CNTN1: variants seen among roughly 807,000 people sequenced by gnomAD.
CNTN1 encodes the protein contactin-1.
Under a neutral mutation model 126.4 loss-of-function variants are expected in CNTN1, and 38 were observed. The observed-to-expected ratio is 0.30, with a 90% CI of 0.23 to 0.39. The LOEUF (loss-of-function observed/expected upper bound fraction) is 0.39, where lower values mean the gene tolerates loss of function less well. CNTN1 is among the 10% of genes least tolerant of loss of function. CNTN1 has a pLI of 1.00. For synonymous variants in CNTN1, 413 were observed against 422.6 expected, an observed-to-expected ratio of 0.98 and a Z score of 0.28; for missense variants, 1,009 against 1,248.4, an observed-to-expected ratio of 0.81 and a Z score of 2.89.
intron 1 of CNTN1, among the ~76,000 whole-genome samples, chr12:40,879,559 A>G (rs1199323190): frequency 6.6e-6 from 1 of 152,188 alleles, no homozygotes; most frequent in African/African-American, 2.4e-5. Flanking sequence ...TGAGAAAAAG[A>G]AAATTAAGAA....
At chr12:40,904,374 C>CT (rs368931833) in intron 1 of CNTN1, among the ~76,000 whole-genome samples, 2,817 of 76,024 alleles carry the variant, frequency 0.037, 97 homozygotes, top group African/African-American at 0.15. Flanking sequence ...CCTTTCCTTC[C>CT]TTCCTTCTTT....
chr12:40,796,336 AC>A (rs1940428388), intron 1 of CNTN1, among the ~76,000 whole-genome samples: 1 of 152,024 alleles, frequency 6.6e-6, no homozygotes, highest in African/African-American at 2.4e-5. Context: ...TTTGCTTCAG[AC>A]CTTTAGACTA....
chr12:40,709,444 G>A (rs1161746644), intron 1 of CNTN1, among the ~76,000 whole-genome samples: 1 of 152,206 alleles, frequency 6.6e-6, no homozygotes, highest in Non-Finnish European at 1.5e-5. Flanking sequence ...AATGCTAAAT[G>A]AGTATTGGCT....
chr12:40,834,450 A>G (rs1304777660), intron 1 of CNTN1, among the ~76,000 whole-genome samples: 2 of 152,168 alleles, frequency 1.3e-5, no homozygotes, highest in Admixed American at 1.3e-4. Flanking sequence ...TAGTCATGAT[A>G]GCAGATGGAA....
intron 23 of CNTN1, among the ~76,000 whole-genome samples, chr12:41,068,851 C>A (rs1354010630): frequency 1.3e-5 from 2 of 152,172 alleles, no homozygotes; most frequent in Non-Finnish European, 2.9e-5. Context: ...GCCAGCCAGG[C>A]ATGGTGGCTT....
intron 1 of CNTN1, among the ~76,000 whole-genome samples, chr12:40,761,239 T>G (rs1019311177): frequency 6.6e-6 from 1 of 152,112 alleles, no homozygotes; most frequent in African/African-American, 2.4e-5. Flanking sequence ...CTATACCAAT[T>G]TTTAGAAAAA....
At chr12:40,755,750 G>A (rs1938585643) in intron 1 of CNTN1, among the ~76,000 whole-genome samples, 1 of 151,954 alleles carries the variant, frequency 6.6e-6, no homozygotes, top group African/African-American at 2.4e-5. Flanking sequence ...AGTGATTAGA[G>A]TAGGTGAGAG....
At chr12:40,848,712 G>A (rs979434075) in intron 1 of CNTN1, among the ~76,000 whole-genome samples, 1 of 151,906 alleles carries the variant, frequency 6.6e-6, no homozygotes, top group Non-Finnish European at 1.5e-5. Flanking sequence ...TCCTAGCAAA[G>A]GTACTTGGTC....
intron 1 of CNTN1, among the ~76,000 whole-genome samples, chr12:40,812,878 G>T (rs1387311091): frequency 1.3e-5 from 2 of 149,240 alleles, no homozygotes; most frequent in Non-Finnish European, 3.0e-5. Flanking sequence ...TTTGTTGAGA[G>T]AATTTAATCC....
chr12:40,929,631 T>C (rs1592273317), intron 6 of CNTN1, among the ~76,000 whole-genome samples, 165 bp from the exon 7 acceptor site: 1 of 152,018 alleles, frequency 6.6e-6, no homozygotes, highest in Non-Finnish European at 1.5e-5. Context: ...ATGTGAAATA[T>C]GGTACATGTT....
intron 1 of CNTN1, among the ~76,000 whole-genome samples, chr12:40,806,912 A>G (rs2136495526): frequency 6.6e-6 from 1 of 152,138 alleles, no homozygotes; most frequent in South Asian, 2.1e-4. Flanking sequence ...ATTATTTTCT[A>G]GTTTATTCAG....
At chr12:40,767,696 C>T (rs543129933) in intron 1 of CNTN1, among the ~76,000 whole-genome samples, 2 of 151,992 alleles carry the variant, frequency 1.3e-5, no homozygotes, top group African/African-American at 4.8e-5. Flanking sequence ...TGCAGTGGAG[C>T]GATCTCGGCT....
intron 1 of CNTN1, among the ~76,000 whole-genome samples, chr12:40,891,575 C>T (rs1357945002): frequency 2.6e-5 from 4 of 152,130 alleles, no homozygotes; most frequent in South Asian, 2.1e-4. Context: ...GTGTAAGGTA[C>T]GTAGCTAAAT....
Position 41,013,365 on chromosome 12 carries a change from G to A in CNTN1, c.2114-863G>A, listed in dbSNP as rs747426628. On this transcript the variant is annotated intron_variant, in intron 17 of 23. Coordinates refer to ENST00000551295, the MANE Select transcript of CNTN1 (RefSeq NM_001843.4). ...GCTTGCTTGTTTATGTCTGCAGCTC[G>A]ACTTTACAGGCTGCTCTTTCTTAGA... Among the ~76,000 whole-genome samples, 93 of 152,114 alleles carry A rather than the reference G, an allele frequency of 6.1e-4. 1 individual carries two copies. Among genetic ancestry groups the A allele is most frequent in the Non-Finnish European group, 1.2e-3 (80 of 68,028 alleles).
chr12:40,934,417 G>A (rs937085306), intron 9 of CNTN1, among the ~76,000 whole-genome samples: 1 of 150,508 alleles, frequency 6.6e-6, no homozygotes, highest in Non-Finnish European at 1.5e-5. Context: ...GAGAACCACT[G>A]GTTTAAGAAA....
At chr12:40,764,563 G>A (rs989141545) in intron 1 of CNTN1, among the ~76,000 whole-genome samples, 1 of 152,148 alleles carries the variant, frequency 6.6e-6, no homozygotes, top group African/African-American at 2.4e-5. Flanking sequence ...AGGCCCTTGA[G>A]AAAGACTTTC....
chr12:40,911,269 A>T (rs1397106607), intron 3 of CNTN1, among the ~76,000 whole-genome samples: 1 of 151,914 alleles, frequency 6.6e-6, no homozygotes, highest in East Asian at 1.9e-4. Flanking sequence ...TTTAGTAGAG[A>T]CGGGGTTTCA....
rs112590762 is a variant in CNTN1 at position 40,991,041 on chromosome 12, G to A, written c.1964-2079G>A. 4.6e-5 allele frequency among the ~76,000 whole-genome samples: 7 copies of A among 152,172 alleles called. 1 individual carries two copies. The highest frequency in any genetic ancestry group is 1.7e-4 in the African/African-American group (7 of 41,530). On this transcript the variant is annotated intron_variant, in intron 16 of 23. Coordinates refer to ENST00000551295, the MANE Select transcript of CNTN1 (RefSeq NM_001843.4). Reference sequence around the variant, plus strand: ...TAAGGTTCAGTATTAGTTTTCTAGGGTTGCCAACAAATTAACATAAACTTG... The same window carrying A: ...TAAGGTTCAGTATTAGTTTTCTAGGATTGCCAACAAATTAACATAAACTTG...
chr12:40,811,622 A>C (rs1168771622), intron 1 of CNTN1, among the ~76,000 whole-genome samples: 1 of 151,872 alleles, frequency 6.6e-6, no homozygotes, highest in Admixed American at 6.6e-5. Flanking sequence ...TTCATAATTC[A>C]ATCTTGATAG....
Sources: allele counts gnomAD v4.1 joint callset (sites outside exome capture counted in the v4.1 genomes callset), GRCh38; gene constraint gnomAD v4.1.1; transcripts MANE v1.5; gene names NCBI Gene and HGNC (gene_info 2026-07-23, HGNC 2026-07-21).